Variants in FTO observed in about 807,000 individuals in gnomAD.
The protein encoded by FTO is FTO alpha-ketoglutarate dependent dioxygenase, also known as alpha-ketoglutarate-dependent dioxygenase FTO.
FTO carries 47 observed loss-of-function variants against 63.9 expected under a neutral mutation model. The ratio of observed to expected loss-of-function variants is 0.74; its 90% CI spans 0.58 to 0.94. FTO has a LOEUF of 0.94. Among genes scored for constraint, FTO ranks in the 40% least tolerant of loss-of-function variants. The pLI is 0.00. For synonymous variants in FTO, 207 were observed against 224.4 expected (o/e 0.92, Z 0.69); for missense variants, 562 against 618.1 (o/e 0.91, Z 0.96).
intron 7 of FTO, among the ~76,000 whole-genome samples, chr16:53,893,485 C>A (rs964291822): frequency 6.6e-6 from 1 of 152,052 alleles, no homozygotes; most frequent in Non-Finnish European, 1.5e-5. Flanking sequence ...CTTGCTGTAG[C>A]CAGAGATTCA....
intron 8 of FTO, among the ~76,000 whole-genome samples, chr16:54,100,082 C>A (rs1409342835): frequency 3.3e-5 from 5 of 152,146 alleles, no homozygotes; most frequent in Admixed American, 3.3e-4. Context: ...GGACATTCAC[C>A]TGGAAAGTCT....
At chr16:54,101,780 A>G (rs534466235) in intron 8 of FTO, among the ~76,000 whole-genome samples, 1 of 152,326 alleles carries the variant, frequency 6.6e-6, no homozygotes, top group South Asian at 2.1e-4. Flanking sequence ...CACTGCCACC[A>G]ACAGTGTATA....
chr16:53,804,388 G>A (rs1280679683), intron 1 of FTO, among the ~76,000 whole-genome samples: 2 of 152,136 alleles, frequency 1.3e-5, no homozygotes, highest in African/African-American at 2.4e-5. Context: ...GAGAATGAGC[G>A]AGTTTGCTTC....
intron 8 of FTO, among the ~76,000 whole-genome samples, chr16:53,961,705 C>T (rs1400297821): frequency 6.6e-6 from 1 of 152,182 alleles, no homozygotes; most frequent in Non-Finnish European, 1.5e-5. Flanking sequence ...TTTTAAAATA[C>T]ACTTTCGCTT....
rs534681750 is a variant in FTO at position 53,911,181 on chromosome 16, G to A, written c.1239+22230G>A. On this transcript the variant is annotated intron_variant, in intron 7 of 8. Transcript: ENST00000471389. ...TTCTCTCATATGTTAACTCAGGCTT[G>A]AAAGCACTTAGCACATGGCAGGCAT... 3.8e-4 allele frequency: 213 copies of A among 559,630 alleles called. 2 individuals carry two copies. The South Asian group carries it at 5.1e-3, about 13-fold the overall frequency. 34.7% of individuals were successfully genotyped at this position (559,630 alleles called of 1,614,324 possible). A position where few individuals can be genotyped will look rare whatever the true frequency, so the allele number is the denominator to read the frequency against.
intron 1 of FTO, among the ~76,000 whole-genome samples, chr16:53,722,342 A>G (rs750046309): frequency 3.3e-5 from 5 of 152,198 alleles, no homozygotes; most frequent in Non-Finnish European, 5.9e-5. Context: ...CAACACTGCT[A>G]TAAATTTGTT....
At chr16:53,894,953 C>T (rs946383412) in intron 7 of FTO, among the ~76,000 whole-genome samples, 1 of 152,060 alleles carries the variant, frequency 6.6e-6, no homozygotes, top group Non-Finnish European at 1.5e-5. Context: ...AGGACCTTTA[C>T]GTTTAGCTTT....
At chr16:54,068,265 C>A (rs1418135104) in intron 8 of FTO, among the ~76,000 whole-genome samples, 1 of 151,240 alleles carries the variant, frequency 6.6e-6, no homozygotes, top group Non-Finnish European at 1.5e-5. Flanking sequence ...CTTTTTCTTT[C>A]ATTTCTCTCC....
At chr16:53,874,673 G>A (rs1490100398) in intron 5 of FTO, among the ~76,000 whole-genome samples, 1 of 152,196 alleles carries the variant, frequency 6.6e-6, no homozygotes, top group African/African-American at 2.4e-5. Flanking sequence ...TCCAGTGGCA[G>A]TACTGCGTGA....
chr16:53,704,093 A>C, upstream of FTO: 1 of 1,281,722 alleles, frequency 7.8e-7, no homozygotes, highest in East Asian at 2.5e-5. Context: ...TCCAGACGGG[A>C]GCAGGACGCT....
chr16:54,087,960 C>A (rs2086286212), intron 8 of FTO, among the ~76,000 whole-genome samples: 1 of 152,206 alleles, frequency 6.6e-6, no homozygotes, highest in Non-Finnish European at 1.5e-5. Context: ...TCTTTAACAG[C>A]TGATTCATGT....
rs76522756 is a variant in FTO, at chr16:53,883,177, A to G, written c.1119+3190A>G. On this transcript the variant is annotated intron_variant, in intron 6 of 8. Coordinates refer to ENST00000471389, the MANE Select transcript of FTO (RefSeq NM_001080432.3). ...ACAATTTTCAGTGTCAGACTAGCAG[A>G]ATGGGTGCTTTCTTTAACATGCATA... Among the ~76,000 whole-genome samples the G allele has an allele frequency of 1.5e-3, 236 of 152,322 alleles. 1 individual carries two copies. Among genetic ancestry groups the G allele is most frequent in the African/African-American group, 5.6e-3 (231 of 41,570 alleles).
At chr16:53,990,028 A>G (rs1447160406) in intron 8 of FTO, among the ~76,000 whole-genome samples, 1 of 146,962 alleles carries the variant, frequency 6.8e-6, no homozygotes, top group Admixed American at 6.7e-5. Context: ...CATATAAAAA[A>G]TATATGCTAA....
intron 2 of FTO, among the ~76,000 whole-genome samples, chr16:53,815,648 T>G (rs2078658042): frequency 2.4e-5 from 1 of 42,284 alleles, no homozygotes; most frequent in African/African-American, 4.9e-5. Flanking sequence ...TTTTTTTTTT[T>G]TTTTTTTTTT....
intron 1 of FTO, among the ~76,000 whole-genome samples, chr16:53,801,319 T>C (rs2078215996): frequency 6.6e-6 from 1 of 152,136 alleles, no homozygotes; most frequent in South Asian, 2.1e-4. Context: ...ATTACTGTGC[T>C]TCACATGTAG....
Position 53,772,882 on chromosome 16 carries a change from A to G in FTO, c.46-37258A>G, listed in dbSNP as rs118090527. Among the ~76,000 whole-genome samples, 14 of 152,258 alleles carry G rather than the reference A, an allele frequency of 9.2e-5. No individual in the cohort carries two copies. In the East Asian group the frequency reaches 2.7e-3, roughly 29 times the overall value. On this transcript the variant is annotated intron_variant, in intron 1 of 8. Transcript: ENST00000471389. ...TAAACCATTAGCATTATGCTAATAT[A>G]CAAAGTTTGCTACTTTTCATATTTG...
At chr16:53,930,244 T>G (rs1347986663) in intron 7 of FTO, among the ~76,000 whole-genome samples, 2 of 144,660 alleles carry the variant, frequency 1.4e-5, no homozygotes, top group Non-Finnish European at 3.0e-5. Flanking sequence ...TTTTTTTTTT[T>G]TTTGAGACAG....
intron 4 of FTO, among the ~76,000 whole-genome samples, chr16:53,852,334 C>G (rs946408458): frequency 6.6e-6 from 1 of 152,070 alleles, no homozygotes; most frequent in Non-Finnish European, 1.5e-5. Flanking sequence ...GATACTACCT[C>G]TCACTCTTGC....
At chr16:53,975,782 A>G (rs2083423853) in intron 8 of FTO, among the ~76,000 whole-genome samples, 1 of 152,314 alleles carries the variant, frequency 6.6e-6, no homozygotes, top group African/African-American at 2.4e-5. Context: ...CATAGGAGCA[A>G]TTTTATGTGG....
Sources: gnomAD v4.1 joint callset for allele counts (sites outside exome capture counted in the v4.1 genomes callset) on GRCh38, gnomAD v4.1.1 for gene constraint, MANE v1.5 for transcripts, NCBI Gene and HGNC (gene_info 2026-07-23, HGNC 2026-07-21) for gene names.